FREM3: variants seen among roughly 807,000 people sequenced by gnomAD.
FREM3 encodes FRAS1 related extracellular matrix 3.
FREM3 carries 105 observed loss-of-function variants against 129.1 expected under a neutral mutation model. The ratio of observed to expected loss-of-function variants is 0.81; its 90% CI spans 0.69 to 0.96. FREM3 has a LOEUF of 0.96. Ranked by LOEUF, FREM3 falls within the 40% of genes least tolerant of loss-of-function variation. FREM3 has a pLI of 0.00. For synonymous variants in FREM3, 1,014 were observed against 1,044.9 expected (o/e 0.97, Z 0.57); for missense variants, 2,593 against 2,666.3 (o/e 0.97, Z 0.61).
At chr4:143,654,525 G>A (rs927383800) in intron 2 of FREM3, among the ~76,000 whole-genome samples, 3 of 152,308 alleles carry the variant, frequency 2.0e-5, no homozygotes, top group Non-Finnish European at 4.4e-5. Flanking sequence ...GTGCACTTAG[G>A]AAACAAGACT....
rs766506285 is a variant in FREM3 at position 143,611,399 on chromosome 4, CA to C, written c.5907del (p.Ile1969MetfsTer33). On this transcript the variant is annotated frameshift_variant, in exon 6 of 8. Transcript: ENST00000329798. LOFTEE classifies it high-confidence loss of function. The part of the protein sequence containing the change: ...ETQKTCQVLI[I>X]DDSLYEEEES... ...TCCTCCTCTTCATAAAGGGAGTCAT[CA>C]ATGATCAGGACCTGGCAGGTCTTCT... 46 of 1,537,222 alleles carry C rather than the reference CA, an allele frequency of 3.0e-5. 1 individual carries two copies. In the South Asian group the frequency reaches 5.2e-4, roughly 17 times the overall value.
chr4:143,606,037 G>GT lies in FREM3; in HGVS notation c.6028+5241dup, dbSNP rs1195272886. On this transcript the variant is annotated intron_variant, in intron 6 of 7. Coordinates refer to ENST00000329798, the MANE Select transcript of FREM3 (RefSeq NM_001168235.2). Reference sequence around the variant, plus strand: ...AAATGTGCCAGCCCCTTTTATTTCAGTTTTTTGTTCACTTATTAAGTAGCA... The same window carrying GT: ...AAATGTGCCAGCCCCTTTTATTTCAGTTTTTTTGTTCACTTATTAAGTAGCA... Among the ~76,000 whole-genome samples the GT allele has an allele frequency of 2.0e-5, 3 of 152,054 alleles. No individual in the cohort carries two copies. The South Asian group carries it at 6.2e-4, about 31-fold the overall frequency.
At chr4:143,676,763 G>T (rs913193549) in intron 2 of FREM3, among the ~76,000 whole-genome samples, 2 of 152,080 alleles carry the variant, frequency 1.3e-5, no homozygotes, top group Non-Finnish European at 2.9e-5. Context: ...CAAACAGACC[G>T]CCAAATCATG....
chr4:143,654,519 A>C (rs1367147637), intron 2 of FREM3, among the ~76,000 whole-genome samples: 3 of 152,252 alleles, frequency 2.0e-5, no homozygotes, highest in Non-Finnish European at 2.9e-5. Context: ...TGTAAAGTGC[A>C]CTTAGGAAAC....
At chr4:143,690,321 C>T (rs1004089942) in intron 2 of FREM3, among the ~76,000 whole-genome samples, 2 of 152,118 alleles carry the variant, frequency 1.3e-5, no homozygotes, top group African/African-American at 2.4e-5. Context: ...CAGCCTGGGT[C>T]CAGAGCCTAT....
intron 2 of FREM3, among the ~76,000 whole-genome samples, chr4:143,650,606 T>G (rs1285762768): frequency 6.6e-6 from 1 of 152,204 alleles, no homozygotes; most frequent in East Asian, 1.9e-4. Context: ...TCCTCCCACC[T>G]CAGCTTCCTG....
At chr4:143,677,281 A>G (rs1379883746) in intron 2 of FREM3, among the ~76,000 whole-genome samples, 1 of 152,254 alleles carries the variant, frequency 6.6e-6, no homozygotes, top group Non-Finnish European at 1.5e-5. Context: ...TGACAAAAAC[A>G]GGAAATGGGG....
At chr4:143,579,396 T>C (rs1288487340) in intron 7 of FREM3, among the ~76,000 whole-genome samples, 1 of 152,156 alleles carries the variant, frequency 6.6e-6, no homozygotes, top group East Asian at 1.9e-4. Context: ...GATATTTCAG[T>C]AAGCTGAGAT....
At chr4:143,691,499 C>T (rs1403350339) in intron 2 of FREM3, among the ~76,000 whole-genome samples, 2 of 152,174 alleles carry the variant, frequency 1.3e-5, no homozygotes, top group Non-Finnish European at 2.9e-5. Context: ...AACTCCAGAA[C>T]TGTAAGATGA....
At chr4:143,601,372 A>C (rs1738569241) in intron 6 of FREM3, among the ~76,000 whole-genome samples, 1 of 152,206 alleles carries the variant, frequency 6.6e-6, no homozygotes, top group Non-Finnish European at 1.5e-5. Context: ...TAATATTTAT[A>C]GGGAAATTTT....
intron 2 of FREM3, among the ~76,000 whole-genome samples, chr4:143,677,945 C>T (rs1740175514): frequency 6.6e-6 from 1 of 152,310 alleles, no homozygotes; most frequent in Non-Finnish European, 1.5e-5. Flanking sequence ...GTTGGTGGGA[C>T]TGTAAACTAG....
chr4:143,698,248 C>A lies in FREM3; in HGVS notation c.2428G>T (p.Ala810Ser). 3 of 1,537,486 alleles carry A rather than the reference C, an allele frequency of 2.0e-6. No individual in the cohort carries two copies. Among genetic ancestry groups the A allele is most frequent in the South Asian group, 1.2e-5 (1 of 84,066 alleles). Residue 810 changes from alanine (A) to serine (S), a missense_variant, in exon 1 of 8, where the codon GCA (alanine) becomes TCA (serine). Transcript: ENST00000329798. ...VQFTYQVEDA[A>S]GNSVPGTFTL... is the part of the protein sequence containing the mutation. ...AATGTGCCTGGCACGCTATTGCCTGCAGCATCTTCCACCTGGTAAGTAAAC... is the reference window on the plus strand; with the variant it reads ...AATGTGCCTGGCACGCTATTGCCTGAAGCATCTTCCACCTGGTAAGTAAAC...
Position 143,627,869 on chromosome 4 carries a change from G to GT in FREM3, c.5276-110dup, listed in dbSNP as rs1329727806. On this transcript the variant is annotated intron_variant, in intron 2 of 7. Coordinates refer to ENST00000329798, the MANE Select transcript of FREM3 (RefSeq NM_001168235.2). ...AAACCAAGGGTTTCAAAACATACTC[G>GT]TTTTATTTTATTTTATTTTTTTGGT... 4.3e-6 allele frequency: 3 copies of GT among 698,772 alleles called. No individual in the cohort carries two copies. In the African/African-American group the frequency reaches 5.5e-5, roughly 13 times the overall value. The allele number at this position is 698,772 out of a possible 1,614,324, so 43.3% of individuals were successfully genotyped here.
rs894969670 is a variant in FREM3, at chr4:143,697,809, G to A, written c.2867C>T (p.Ser956Phe). ...GGCTTTATTCTCTAGTACGTCTATA[G>A]AAACATCCAATAATGAACTACTTCT... The part of the protein sequence containing the change: ...SLRSSSLLDV[S>F]IDVLENKATE... Residue 956 changes from serine to phenylalanine, a missense_variant, in exon 1 of 8, where the codon TCT (serine) becomes TTT (phenylalanine). Ser to Phe is a radical substitution (Grantham distance 155). Coordinates refer to ENST00000329798, the MANE Select transcript of FREM3 (RefSeq NM_001168235.2). 6 of 1,537,474 alleles carry A rather than the reference G, an allele frequency of 3.9e-6. No individual in the cohort carries two copies. The highest frequency in any genetic ancestry group is 1.4e-5 in the African/African-American group (1 of 72,998).
chr4:143,608,915 A>G lies in FREM3; in HGVS notation c.6028+2364T>C, dbSNP rs965633846. On this transcript the variant is annotated intron_variant, in intron 6 of 7. Coordinates refer to ENST00000329798, the MANE Select transcript of FREM3 (RefSeq NM_001168235.2). The stretch of plus-strand genomic sequence containing the variant: ...GGCTTGTTTAGAGCAAAACTTTGAC[A>G]TATATTTTTCTAAGTTCATGACAAA... Among the ~76,000 whole-genome samples the G allele has an allele frequency of 7.2e-5, 11 of 152,320 alleles. No individual in the cohort carries two copies. In the East Asian group the frequency reaches 2.1e-3, roughly 29 times the overall value.
chr4:143,696,348 G>A lies in FREM3; in HGVS notation c.4328C>T (p.Thr1443Ile), dbSNP rs1341780280. The A allele has an allele frequency of 6.5e-7, 1 of 1,537,374 alleles. No homozygotes were observed. The highest frequency in any genetic ancestry group is 8.7e-7 in the Non-Finnish European group (1 of 1,146,944). ...GTTGGTAAGCAGATTGTTGGTAAGG[G>A]TCACTCTGGCACCTTCTATCAAGGT... The part of the protein sequence containing the change: ...RITLIEGARV[T>I]LTNNLLTNSD... Residue 1443 changes from threonine to isoleucine, a missense_variant, in exon 1 of 8, where the codon ACC becomes ATC. Coordinates refer to ENST00000329798, the MANE Select transcript of FREM3 (RefSeq NM_001168235.2).
Position 143,697,943 on chromosome 4 carries a change from G to A in FREM3, c.2733C>T (p.Thr911=). The A allele has an allele frequency of 1.3e-6, 2 of 1,537,846 alleles. No homozygotes were observed. The highest frequency in any genetic ancestry group is 1.7e-4 in the Middle Eastern group (1 of 5,994). The change falls in exon 1 of 8, where the codon ACC becomes ACT. Residue 911 remains threonine, a synonymous_variant. Transcript: ENST00000329798. ...SYQHGRDQTT[T]SDTFHLEVSD... ...TTACTTCCAGATGGAAAGTGTCACT[G>A]GTAGTCGTCTGGTCTCTGCCATGCT...
chr4:143,663,508 C>T (rs1243023280), intron 2 of FREM3, among the ~76,000 whole-genome samples: 2 of 152,052 alleles, frequency 1.3e-5, no homozygotes, highest in African/African-American at 4.8e-5. Context: ...TCTCTGGCTG[C>T]CCTTAACATT....
chr4:143,624,417 T>C (rs898097108), intron 3 of FREM3, 79 bp from the exon 4 acceptor site: 11 of 800,304 alleles, frequency 1.4e-5, no homozygotes, highest in Non-Finnish European at 2.2e-5. Flanking sequence ...GTTTCTATTG[T>C]TAACAAAAGT....
Sources: gnomAD v4.1 joint callset for allele counts (sites outside exome capture counted in the v4.1 genomes callset) on GRCh38, gnomAD v4.1.1 for gene constraint, MANE v1.5 for transcripts, NCBI Gene and HGNC (gene_info 2026-07-23, HGNC 2026-07-21) for gene names.